The following IGSF8 variants were observed in gnomAD, a reference collection of about 807,000 sequenced individuals.
IGSF8 encodes CD81 partner 3.
A neutral mutation model predicts 55.5 loss-of-function variants in IGSF8; 46 were observed. That is an observed-to-expected ratio of 0.83 (90% CI 0.65 to 1.06). The LOEUF (loss-of-function observed/expected upper bound fraction) is 1.06. Ranked by LOEUF, IGSF8 falls within the 50% of genes least tolerant of loss-of-function variation. IGSF8 has a pLI of 0.00. For synonymous variants in IGSF8, 314 were observed against 356.1 expected, an observed-to-expected ratio of 0.88 and a Z score of 1.33; for missense variants, 731 against 832.3, an observed-to-expected ratio of 0.88 and a Z score of 1.50.
At chr1:160,092,075 C>A in intron 5 of IGSF8, 137 bp from the exon 6 acceptor site, 1 of 805,954 alleles carries the variant, frequency 1.2e-6, no homozygotes, top group African/African-American at 1.7e-5. Context: ...CCACAGCCTG[C>A]CCCCTCAGCA....
rs774963370 is a variant in IGSF8 at position 160,095,063 on chromosome 1, T to C, written c.248A>G (p.Asp83Gly). ...DTALGIVSTKDTQFSYAVFKS... is the reference protein window; with the variant it reads ...DTALGIVSTKGTQFSYAVFKS... ...GAAGACAGCATAGGAGAACTGGGTATCCTTGGTACTGACAATGCCCAGTGC... is the reference window on the plus strand; with the variant it reads ...GAAGACAGCATAGGAGAACTGGGTACCCTTGGTACTGACAATGCCCAGTGC... Residue 83 changes from aspartate (D) to glycine (G), a missense_variant, in exon 2 of 7, where the codon GAT becomes GGT. Transcript: ENST00000314485. 7.4e-6 allele frequency: 12 copies of C among 1,614,180 alleles called. No homozygotes were observed. Among genetic ancestry groups the C allele is most frequent in the Admixed American group, 1.7e-5 (1 of 60,022 alleles).
chr1:160,092,816 G>T, intron 4 of IGSF8, 108 bp downstream of exon 4: 1 of 1,484,274 alleles, frequency 6.7e-7, no homozygotes, highest in South Asian at 1.3e-5. Context: ...GAAGAGGAGC[G>T]TGAGGCTGTG....
chr1:160,096,194 C>A (rs1401895459), intron 1 of IGSF8, among the ~76,000 whole-genome samples: 1 of 152,152 alleles, frequency 6.6e-6, no homozygotes, highest in Non-Finnish European at 1.5e-5. Flanking sequence ...GAGGGCTTAG[C>A]TCCTCCCTTC....
chr1:160,093,074 T>C lies in IGSF8; in HGVS notation c.1162A>G (p.Thr388Ala). The change falls in exon 4 of 7, where the codon ACA becomes GCA. Residue 388 changes from threonine to alanine, a missense_variant. Coordinates refer to ENST00000314485, the MANE Select transcript of IGSF8 (RefSeq NM_052868.6). The stretch of plus-strand genomic sequence containing the variant: ...GCAGCCTCTAGCCGTAGCCGGTATG[T>C]TCTGGATGCCACCTTCTCCATGGCA... Reference protein sequence around the residue: ...HIAMEKVASRTYRLRLEAARP... With the variant: ...HIAMEKVASRAYRLRLEAARP... 6.2e-7 allele frequency: 1 copy of C among 1,614,128 alleles called. No homozygotes were observed. Among genetic ancestry groups the C allele is most frequent in the Non-Finnish European group, 8.5e-7 (1 of 1,179,972 alleles).
rs755637754 is a variant in IGSF8 at position 160,093,976 on chromosome 1, C to T, written c.638G>A (p.Arg213Gln). 7.4e-6 allele frequency: 12 copies of T among 1,614,136 alleles called. No homozygotes were observed. The highest frequency in any genetic ancestry group is 2.2e-5 in the South Asian group (2 of 91,090). The part of the protein sequence containing the change: ...GRSVPEAPVG[R>Q]STLQEVVGIR... ...TCCCACCACTTCCTGCAGAGTTGAC[C>T]GCCCAACTGGTGCCTCGGGCACAGA... The change falls in exon 3 of 7, where the codon CGG becomes CAG. Residue 213 changes from arginine to glutamine, a missense_variant. Coordinates refer to ENST00000314485, the MANE Select transcript of IGSF8 (RefSeq NM_052868.6).
intron 1 of IGSF8, among the ~76,000 whole-genome samples, chr1:160,096,297 G>C (rs1650431234): frequency 6.6e-6 from 1 of 152,138 alleles, no homozygotes; most frequent in African/African-American, 2.4e-5. Context: ...TTTTACAGAT[G>C]AGAAAGGTAA....
rs921902656 is a variant in IGSF8 at position 160,093,178 on chromosome 1, G to C, written c.1058C>G (p.Pro353Arg). Reference sequence around the variant, plus strand: ...CTGGGCTACCAGGCGGCCGGGCCCAGGTGCCCCCGCAGGTGCCATCTCCCA... The same window carrying C: ...CTGGGCTACCAGGCGGCCGGGCCCACGTGCCCCCGCAGGTGCCATCTCCCA... ...VGWEMAPAGA[P>R]GPGRLVAQLD... Residue 353 changes from proline (P) to arginine (R), a missense_variant, in exon 4 of 7, where the codon CCT becomes CGT. Physicochemically the swap from Pro to Arg is moderately radical, Grantham distance 103. Coordinates refer to ENST00000314485, the MANE Select transcript of IGSF8 (RefSeq NM_052868.6). 1 of 1,613,596 alleles carries C rather than the reference G, an allele frequency of 6.2e-7. No homozygotes were observed. Among genetic ancestry groups the C allele is most frequent in the Non-Finnish European group, 8.5e-7 (1 of 1,179,778 alleles).
chr1:160,093,458 G>A, intron 3 of IGSF8, 127 bp from the exon 4 acceptor site: 2 of 925,150 alleles, frequency 2.2e-6, no homozygotes, highest in Non-Finnish European at 3.2e-6. Context: ...CCCTCACTAG[G>A]TATGACCATC....
chr1:160,094,837 G>A lies in IGSF8; in HGVS notation c.442+32C>T, dbSNP rs753040544. ...CCTTGACTTTCTGCCTTGAGAGGGT[G>A]TGTGGCTCCACCCCGTCCCAGGGCC... On this transcript the variant is annotated intron_variant, in intron 2 of 6. Transcript: ENST00000314485. This position sits in a 1 kb window ranked among gnomAD's most constrained non-coding sequence, Gnocchi z 4.0. 6.9e-6 allele frequency: 11 copies of A among 1,585,688 alleles called. No individual in the cohort carries two copies. Among genetic ancestry groups the A allele is most frequent in the Non-Finnish European group, 8.6e-7 (1 of 1,161,942 alleles).
rs12058793 is a variant in IGSF8, at chr1:160,091,570, C to T, written c.*54G>A. 1,159 of 473,056 alleles carry T rather than the reference C, an allele frequency of 2.5e-3. 4 individuals are homozygous for T. The highest frequency in any genetic ancestry group is 4.1e-3 in the Admixed American group (115 of 28,312). 29.3% of individuals were successfully genotyped at this position (473,056 alleles called of 1,614,324 possible). On this transcript the variant is annotated 3_prime_UTR_variant, in exon 7 of 7. Coordinates refer to ENST00000314485, the MANE Select transcript of IGSF8 (RefSeq NM_052868.6). ...GGGTGTCCAGGCAACCAGAGGAGGG[C>T]TTGGAGCTGGGCCGGAAGACAGTCG...
At chr1:160,098,368 T>C in intron 1 of IGSF8, 41 bp downstream of exon 1, 1 of 1,552,886 alleles carries the variant, frequency 6.4e-7, no homozygotes, top group South Asian at 1.2e-5. Context: ...GGCAGGCACC[T>C]GCCCGGCAGG....
chr1:160,092,006 C>G, intron 5 of IGSF8, 68 bp from the exon 6 acceptor site: 1 of 1,133,938 alleles, frequency 8.8e-7, no homozygotes, highest in Non-Finnish European at 1.3e-6. Flanking sequence ...TGCCTCTGCG[C>G]TTTCCCCATC....
rs1014520732 is a variant in IGSF8 at position 160,094,655 on chromosome 1, T to C, written c.442+214A>G. ...TCTTCTCCCAGGAGGGGTCTTAATA[T>C]GATAAGATGAGCACTGGCCTGGGTG... On this transcript the variant is annotated intron_variant, in intron 2 of 6. Coordinates refer to ENST00000314485, the MANE Select transcript of IGSF8 (RefSeq NM_052868.6). The surrounding 1 kb of genome is among the most constrained non-coding windows in gnomAD (Gnocchi z 4.0). 2.6e-5 allele frequency among the ~76,000 whole-genome samples: 4 copies of C among 151,956 alleles called. No individual in the cohort carries two copies. Among genetic ancestry groups the C allele is most frequent in the African/African-American group, 2.4e-5 (1 of 41,292 alleles).
chr1:160,098,188 T>G (rs1650572599), intron 1 of IGSF8, among the ~76,000 whole-genome samples: 1 of 152,140 alleles, frequency 6.6e-6, no homozygotes, highest in African/African-American at 2.4e-5. Context: ...CCTTAGTGGG[T>G]CCTCTCTACG....
rs1557993754 is a variant in IGSF8, at chr1:160,098,320, G to T, written c.64+89C>A. ...GCTGGAGGTACCCCTGACGGAGGAGGATGTGAGGAGCCCCGAAATGCTAGG... is the reference window on the plus strand; with the variant it reads ...GCTGGAGGTACCCCTGACGGAGGAGTATGTGAGGAGCCCCGAAATGCTAGG... On this transcript the variant is annotated intron_variant, in intron 1 of 6. Coordinates refer to ENST00000314485, the MANE Select transcript of IGSF8 (RefSeq NM_052868.6). 5 of 1,502,342 alleles carry T rather than the reference G, an allele frequency of 3.3e-6. No homozygotes were observed. In the South Asian group the frequency reaches 6.4e-5, roughly 19 times the overall value. 93.1% of individuals were successfully genotyped at this position (1,502,342 alleles called of 1,614,324 possible).
Position 160,098,373 on chromosome 1 carries a change from G to A in IGSF8, c.64+36C>T, listed in dbSNP as rs751573586. On this transcript the variant is annotated intron_variant, in intron 1 of 6. Coordinates refer to ENST00000314485, the MANE Select transcript of IGSF8 (RefSeq NM_052868.6). ...GGTGCTGGATGGCAGGCACCTGCCC[G>A]GCAGGGCCGGGAACCGGAACGGGGG... 6 of 1,552,358 alleles carry A rather than the reference G, an allele frequency of 3.9e-6. No homozygotes were observed. In the South Asian group the frequency reaches 5.9e-5, roughly 15 times the overall value.
At chr1:160,098,682 G>T, upstream of IGSF8, 3 of 502,962 alleles carry the variant, frequency 6.0e-6, no homozygotes, top group South Asian at 7.6e-5. Context: ...AACCATTCTC[G>T]CCCCGGCCCG....
chr1:160,091,784 GGT>G, intron 6 of IGSF8, 22 bp downstream of exon 6: 1 of 1,467,054 alleles, frequency 6.8e-7, no homozygotes, highest in Non-Finnish European at 9.6e-7. Context: ...ATGAAAACAA[GGT>G]TGGGGGGTTC....
Position 160,098,559 on chromosome 1 carries a change from G to A in IGSF8, c.-87C>T. 1 of 906,854 alleles carries A rather than the reference G, an allele frequency of 1.1e-6. No individual in the cohort carries two copies. The highest frequency in any genetic ancestry group is 1.6e-6 in the Non-Finnish European group (1 of 609,254). The allele number at this position is 906,854 out of a possible 1,614,324, so 56.2% of individuals were successfully genotyped here. ...GTGGGGGGCGCATGCCCAGGTTGAG[G>A]GCAGGAAGCGGGGCAGCGAGGCGTG... On this transcript the variant is annotated 5_prime_UTR_variant, in exon 1 of 7. Coordinates refer to ENST00000314485, the MANE Select transcript of IGSF8 (RefSeq NM_052868.6).
Sources: allele counts gnomAD v4.1 joint callset (sites outside exome capture counted in the v4.1 genomes callset), GRCh38; gene constraint gnomAD v4.1.1; non-coding constraint Gnocchi (gnomAD v3.1); transcripts MANE v1.5; gene names NCBI Gene and HGNC (gene_info 2026-07-23, HGNC 2026-07-21).